The following RPN1 variants were observed in gnomAD, a reference collection of about 807,000 sequenced individuals.
RPN1 encodes the protein ribophorin I.
A neutral mutation model predicts 55.5 loss-of-function variants in RPN1; 12 were observed. That is an observed-to-expected ratio of 0.22 (90% CI 0.14 to 0.35). The LOEUF is 0.35. RPN1 is among the 10% of genes least tolerant of loss of function. RPN1 has a pLI of 1.00. For missense variants in RPN1, 679 were observed against 761.3 expected, an observed-to-expected ratio of 0.89 and a Z score of 1.27; for synonymous variants, 317 against 305.9, an observed-to-expected ratio of 1.04 and a Z score of -0.38.
chr3:128,650,801 G>T lies in RPN1; in HGVS notation c.-1C>A. The T allele has an allele frequency of 3.3e-6, 5 of 1,526,882 alleles. No individual in the cohort carries two copies. The highest frequency in any genetic ancestry group is 2.4e-5 in the South Asian group (2 of 82,352). The allele number at this position is 1,526,882 out of a possible 1,614,324, so 94.6% of individuals were successfully genotyped here. On this transcript the variant is annotated 5_prime_UTR_variant, in exon 1 of 10. Coordinates refer to ENST00000296255, the MANE Select transcript of RPN1 (RefSeq NM_002950.4). ...ACAAGCCGGCGGCTGGCGCCTCCAT[G>T]ACCGGGAAGAGCAGTGCGCCAGGGC...
intron 4 of RPN1, among the ~76,000 whole-genome samples, chr3:128,630,903 G>C (rs1302366721): frequency 2.8e-5 from 4 of 142,696 alleles, no homozygotes; most frequent in Non-Finnish European, 6.1e-5. Context: ...CACAAGGTCA[G>C]AAGATCGAGA....
At chr3:128,630,535 C>T (rs936408605) in intron 4 of RPN1, among the ~76,000 whole-genome samples, 1 of 152,104 alleles carries the variant, frequency 6.6e-6, no homozygotes, top group Non-Finnish European at 1.5e-5. Context: ...ACCTGATATA[C>T]TTTATTGTAT....
intron 1 of RPN1, among the ~76,000 whole-genome samples, chr3:128,648,497 T>C (rs954003837): frequency 1.3e-5 from 2 of 151,710 alleles, no homozygotes; most frequent in African/African-American, 2.4e-5. Context: ...GAGGCAGAGG[T>C]TGCAGTGAGC....
At chr3:128,629,637 T>G (rs1330828650) in intron 5 of RPN1, among the ~76,000 whole-genome samples, 1 of 152,198 alleles carries the variant, frequency 6.6e-6, no homozygotes, top group Non-Finnish European at 1.5e-5. Flanking sequence ...TATAAAAGTG[T>G]TTTTTATTAT....
Position 128,620,627 on chromosome 3 carries a change from G to C in RPN1, c.1642-34C>G, listed in dbSNP as rs761503778. On this transcript the variant is annotated intron_variant, in intron 9 of 9. Transcript: ENST00000296255. ...GGCAAGAGCAGGGCAGGACTTGTGA[G>C]CTGTCCTCCCACCCCACTCAGCAGG... 24 of 1,598,714 alleles carry C rather than the reference G, an allele frequency of 1.5e-5. No individual in the cohort carries two copies. The Middle Eastern group carries it at 6.6e-4, about 44-fold the overall frequency.
intron 3 of RPN1, among the ~76,000 whole-genome samples, chr3:128,633,725 T>C (rs899502457): frequency 1.3e-5 from 2 of 152,046 alleles, no homozygotes; most frequent in African/African-American, 4.8e-5. Flanking sequence ...GTTTACAGGC[T>C]GGGCACAGTG....
Position 128,625,930 on chromosome 3 carries a change from G to C in RPN1, c.1219C>G (p.Pro407Ala). 6.2e-7 allele frequency: 1 copy of C among 1,613,970 alleles called. No individual in the cohort carries two copies. Among genetic ancestry groups the C allele is most frequent in the Non-Finnish European group, 8.5e-7 (1 of 1,179,922 alleles). The change falls in exon 7 of 10, where the codon CCT becomes GCT. Residue 407 changes from proline to alanine, a missense_variant. Pro to Ala is a conservative substitution (Grantham distance 27, BLOSUM62 -1). Transcript: ENST00000296255. ...HYTYLDTFGR[P>A]VIVAYKKNLV... is the part of the protein sequence containing the mutation. ...TTTTTCTTGTAGGCAACAATCACAG[G>C]GCGGCCAAATGTGTCCAGATAGGTG...
At chr3:128,649,864 A>C (rs558725103) in intron 1 of RPN1, among the ~76,000 whole-genome samples, 1 of 152,322 alleles carries the variant, frequency 6.6e-6, no homozygotes, top group East Asian at 1.9e-4. Flanking sequence ...TTTTAAAACT[A>C]ACTTTAAAAA....
chr3:128,637,998 T>G lies in RPN1; in HGVS notation c.434A>C (p.Gln145Pro), dbSNP rs372892820. 1.2e-6 allele frequency: 2 copies of G among 1,614,142 alleles called. No individual in the cohort carries two copies. Among genetic ancestry groups the G allele is most frequent in the Non-Finnish European group, 1.7e-6 (2 of 1,180,014 alleles). ...AAACTGTTTCTCTGACTGGGTGATC[T>G]GGGTTGGATACGGATGAAGCACATG... ...YTHVLHPYPT[Q>P]ITQSEKQFVV... The change falls in exon 3 of 10, where the codon CAG becomes CCG. Residue 145 changes from glutamine to proline, a missense_variant. Gln to Pro is a moderately conservative substitution (Grantham distance 76). Around this residue, in one of 3 missense-constraint regions of RPN1, gnomAD observed 352 missense variants for 352.8 expected, o/e 1.00. Transcript: ENST00000296255.
At chr3:128,626,865 G>C in intron 5 of RPN1, 33 bp from the exon 6 acceptor site, 1 of 1,587,358 alleles carries the variant, frequency 6.3e-7, no homozygotes, top group Non-Finnish European at 8.6e-7. Context: ...GCAATGATGT[G>C]GAAAACGGAT....
chr3:128,626,989 T>C, intron 5 of RPN1, 157 bp from the exon 6 acceptor site: 1 of 637,120 alleles, frequency 1.6e-6, no homozygotes, highest in Non-Finnish European at 2.8e-6. Context: ...ACAAAGTATC[T>C]CTACTGAACC....
At chr3:128,635,435 G>A (rs983676471) in intron 3 of RPN1, among the ~76,000 whole-genome samples, 4 of 151,424 alleles carry the variant, frequency 2.6e-5, no homozygotes, top group African/African-American at 9.7e-5. Flanking sequence ...CTAGTAGATG[G>A]GACTAGAGTT....
At chr3:128,644,869 C>T (rs2069755015) in intron 2 of RPN1, 50 bp downstream of exon 2, 1 of 1,038,706 alleles carries the variant, frequency 9.6e-7, no homozygotes, top group African/African-American at 1.6e-5. Flanking sequence ...ATGATCCCAA[C>T]CCTGACATAA....
At chr3:128,641,713 G>A (rs1482753090) in intron 2 of RPN1, among the ~76,000 whole-genome samples, 1 of 150,638 alleles carries the variant, frequency 6.6e-6, no homozygotes, top group Non-Finnish European at 1.5e-5. Context: ...GGTTCAAGTG[G>A]TTCTCCTGCC....
chr3:128,622,550 T>C (rs1428562484), intron 8 of RPN1, 141 bp from the exon 9 acceptor site: 2 of 1,037,736 alleles, frequency 1.9e-6, no homozygotes, highest in African/African-American at 1.6e-5. Context: ...AAACCCCTAC[T>C]GATACCTAAT....
At chr3:128,636,515 G>C (rs1389736938) in intron 3 of RPN1, among the ~76,000 whole-genome samples, 4 of 151,328 alleles carry the variant, frequency 2.6e-5, no homozygotes, top group Non-Finnish European at 4.4e-5. Context: ...ATTATTTCAA[G>C]TAGCATTAGA....
At chr3:128,634,179 T>C (rs2069660952) in intron 3 of RPN1, among the ~76,000 whole-genome samples, 1 of 151,528 alleles carries the variant, frequency 6.6e-6, no homozygotes, top group Non-Finnish European at 1.5e-5. Context: ...ATACAAAAAT[T>C]AGCCAGGCAT....
intron 5 of RPN1, among the ~76,000 whole-genome samples, chr3:128,629,650 T>C (rs2107715230): frequency 6.6e-6 from 1 of 152,370 alleles, no homozygotes; most frequent in African/African-American, 2.4e-5. Flanking sequence ...TTTATTATTC[T>C]CTGAATTTTC....
At chr3:128,640,685 C>A (rs575642898) in intron 2 of RPN1, among the ~76,000 whole-genome samples, 6 of 152,282 alleles carry the variant, frequency 3.9e-5, no homozygotes, top group Middle Eastern at 3.4e-3. Context: ...AGCTAGAAAC[C>A]CAGGCATCTT....
Sources: allele counts gnomAD v4.1 joint callset (sites outside exome capture counted in the v4.1 genomes callset), GRCh38; gene constraint gnomAD v4.1.1; regional missense constraint gnomAD v4.1.1; transcripts MANE v1.5; gene names NCBI Gene and HGNC (gene_info 2026-07-23, HGNC 2026-07-21).